The following UBE3C variants were observed in gnomAD, a reference collection of about 807,000 sequenced individuals.
UBE3C encodes ubiquitin protein ligase E3C.
A neutral mutation model predicts 129.4 loss-of-function variants in UBE3C; 42 were observed. The ratio of observed to expected loss-of-function variants is 0.32; its 90% confidence interval spans 0.25 to 0.42. The LOEUF is 0.42. Among genes scored for constraint, UBE3C ranks in the 10% least tolerant of loss-of-function variants. The pLI is 1.00. For missense variants in UBE3C, 1,049 were observed against 1,319.1 expected (o/e 0.80, Z 3.17); for synonymous variants, 510 against 492.4 (o/e 1.04, Z -0.47).
intron 22 of UBE3C, among the ~76,000 whole-genome samples, chr7:157,260,972 G>T (rs1003277199): frequency 1.3e-5 from 2 of 152,090 alleles, no homozygotes. Flanking sequence ...AGGTTTAGGG[G>T]AACAGAAGTA....
chr7:157,149,460 G>A (rs954231581), intron 1 of UBE3C, among the ~76,000 whole-genome samples: 1 of 152,150 alleles, frequency 6.6e-6, no homozygotes, highest in Admixed American at 6.5e-5. Flanking sequence ...TTAAATCTGG[G>A]CCTACAGGGA....
chr7:157,235,060 G>A (rs189180011), intron 18 of UBE3C, among the ~76,000 whole-genome samples: 4 of 152,208 alleles, frequency 2.6e-5, no homozygotes, highest in Admixed American at 6.5e-5. Context: ...GCGTGGTGGT[G>A]CATGCCTTTA....
In UBE3C at chr7:157,182,305, T is replaced by C. The variant is rs778045514; in HGVS notation, c.968T>C (p.Leu323Ser). 6.2e-7 allele frequency: 1 copy of C among 1,613,762 alleles called. No homozygotes were observed. Among genetic ancestry groups the C allele is most frequent in the Non-Finnish European group, 8.5e-7 (1 of 1,179,940 alleles). ...GCACCCTGGCTTTTCTATTTCGTTT[T>C]AACTGTTGGCGAAAATTATTTGGGT... ...GGAPWLFYFV[L>S]TVGENYLGAL... is the part of the protein sequence containing the mutation. Residue 323 changes from leucine (L) to serine (S), a missense_variant, in exon 8 of 23, where the codon TTA becomes TCA. Coordinates refer to ENST00000348165, the MANE Select transcript of UBE3C (RefSeq NM_014671.3).
chr7:157,242,038 T>A (rs1339658516), intron 18 of UBE3C, among the ~76,000 whole-genome samples: 1 of 152,208 alleles, frequency 6.6e-6, no homozygotes, highest in Non-Finnish European at 1.5e-5. Flanking sequence ...GGAGTTTCTT[T>A]TTAGAATAAT....
At chr7:157,192,874 A>G in intron 10 of UBE3C, 1 of 902,760 alleles carries the variant, frequency 1.1e-6, no homozygotes, top group Non-Finnish European at 1.8e-6. Flanking sequence ...AAAAAAAAAA[A>G]AAAGAAGGGA....
intron 10 of UBE3C, among the ~76,000 whole-genome samples, chr7:157,196,468 A>C (rs1341718923): frequency 6.6e-6 from 1 of 152,236 alleles, no homozygotes; most frequent in Non-Finnish European, 1.5e-5. Flanking sequence ...TGTCCGACAG[A>C]ATATACATTC....
intron 11 of UBE3C, among the ~76,000 whole-genome samples, chr7:157,203,617 G>A (rs1809350241): frequency 6.6e-6 from 1 of 152,118 alleles, no homozygotes; most frequent in Admixed American, 6.5e-5. Flanking sequence ...CTAAGGAAAT[G>A]GAGTCATGGT....
Position 157,254,102 on chromosome 7 carries a change from G to A in UBE3C, c.2843G>A (p.Ser948Asn). 1 of 1,612,538 alleles carries A rather than the reference G, an allele frequency of 6.2e-7. No individual in the cohort carries two copies. Among genetic ancestry groups the A allele is most frequent in the Admixed American group, 1.7e-5 (1 of 59,710 alleles). The part of the protein sequence containing the change: ...AFRQGLANVV[S>N]LEWLRMFDQQ... ...CGCCAGGGCCTTGCCAATGTCGTCA[G>A]CCTCGAGTGGCTCCGAATGTTTGAT... Residue 948 changes from serine (S) to asparagine (N), a missense_variant, in exon 20 of 23, where the codon AGC (serine) becomes AAC (asparagine). Ser to Asn is a conservative substitution (Grantham distance 46). Transcript: ENST00000348165.
chr7:157,210,941 C>A (rs1430074022), intron 13 of UBE3C, among the ~76,000 whole-genome samples: 1 of 152,182 alleles, frequency 6.6e-6, no homozygotes, highest in Admixed American at 6.5e-5. Flanking sequence ...TAAGCCCTGT[C>A]TTGACACTGC....
chr7:157,172,305 A>G (rs1808400167), intron 4 of UBE3C, among the ~76,000 whole-genome samples: 1 of 152,184 alleles, frequency 6.6e-6, no homozygotes, highest in African/African-American at 2.4e-5. Context: ...AAGTGCTGGG[A>G]TTACAGACAT....
intron 22 of UBE3C, among the ~76,000 whole-genome samples, chr7:157,264,196 C>G (rs1489563168): frequency 6.6e-6 from 1 of 150,634 alleles, no homozygotes; most frequent in African/African-American, 2.4e-5. Flanking sequence ...CACAGAGACA[C>G]ACACCTGGTA....
intron 18 of UBE3C, among the ~76,000 whole-genome samples, chr7:157,242,646 T>C (rs1276026254): frequency 6.6e-6 from 1 of 151,812 alleles, no homozygotes; most frequent in East Asian, 1.9e-4. Flanking sequence ...TTTAGCGAAC[T>C]TCCTTGTTCA....
intron 1 of UBE3C, among the ~76,000 whole-genome samples, chr7:157,157,419 T>A (rs1807940545): frequency 6.6e-6 from 1 of 151,976 alleles, no homozygotes; most frequent in Non-Finnish European, 1.5e-5. Context: ...AATGAAAAAA[T>A]TAAATGATTC....
intron 13 of UBE3C, among the ~76,000 whole-genome samples, chr7:157,210,885 G>A (rs915998251): frequency 1.3e-5 from 2 of 152,172 alleles, no homozygotes; most frequent in African/African-American, 4.8e-5. Context: ...ATTTTAAGTG[G>A]ATAGAGTCAT....
At chr7:157,159,772 A>C (rs1184794687) in intron 1 of UBE3C, among the ~76,000 whole-genome samples, 1 of 152,174 alleles carries the variant, frequency 6.6e-6, no homozygotes, top group African/African-American at 2.4e-5. Context: ...GCAGTGAGCC[A>C]AGATAGCCCC....
At chr7:157,161,536 C>T (rs1808071011) in intron 1 of UBE3C, among the ~76,000 whole-genome samples, 1 of 151,718 alleles carries the variant, frequency 6.6e-6, no homozygotes, top group Non-Finnish European at 1.5e-5. Flanking sequence ...ACTGCAGCCT[C>T]AGCCTCCCCA....
At chr7:157,176,781 C>A (rs963415666) in intron 5 of UBE3C, among the ~76,000 whole-genome samples, 2 of 152,088 alleles carry the variant, frequency 1.3e-5, no homozygotes, top group African/African-American at 4.8e-5. Context: ...TCTGTGAGGT[C>A]ACAAAGCCTT....
chr7:157,184,049 T>A lies in UBE3C; in HGVS notation c.1143+20T>A. 1 of 1,609,724 alleles carries A rather than the reference T, an allele frequency of 6.2e-7. No individual in the cohort carries two copies. Among genetic ancestry groups the A allele is most frequent in the Non-Finnish European group, 8.5e-7 (1 of 1,177,168 alleles). On this transcript the variant is annotated intron_variant, in intron 9 of 22. Transcript: ENST00000348165. The stretch of plus-strand genomic sequence containing the variant: ...AGCCCGGTAAGCCCCGTGCCCTGCA[T>A]CTGGGGGGCTGCGATGCAGGCAGCC...
At chr7:157,197,538 T>C in intron 10 of UBE3C, 1 of 1,019,038 alleles carries the variant, frequency 9.8e-7, no homozygotes, top group Non-Finnish European at 1.4e-6. Context: ...GCTGGAGGTA[T>C]TGTCCTTATT....
Sources: gnomAD v4.1 joint callset for allele counts (sites outside exome capture counted in the v4.1 genomes callset) on GRCh38, gnomAD v4.1.1 for gene constraint, MANE v1.5 for transcripts, NCBI Gene and HGNC (gene_info 2026-07-23, HGNC 2026-07-21) for gene names.